Variants in CSMD1 observed in about 807,000 individuals in gnomAD.
CSMD1 encodes the protein CUB and sushi domain-containing protein 1.
In CSMD1, 213 loss-of-function variants were observed where a neutral mutation model predicts 417.5. That is an observed-to-expected ratio of 0.51 (90% CI 0.46 to 0.57). The LOEUF (loss-of-function observed/expected upper bound fraction) is 0.57, where lower values mean the gene tolerates loss of function less well. Ranked by LOEUF, CSMD1 falls within the 20% of genes least tolerant of loss-of-function variation. The probability of loss-of-function intolerance (pLI) is 0.00; values close to 1 mark genes in which losing one functional copy is unlikely to be tolerated. For missense variants in CSMD1, 6,923 were observed against 4,529.7 expected (o/e 1.53, Z -15.17); for synonymous variants, 2,862 against 1,736.8 (o/e 1.65, Z -16.11).
At chr8:4,293,156 C>G (rs548970382) in intron 3 of CSMD1, among the ~76,000 whole-genome samples, 2 of 152,204 alleles carry the variant, frequency 1.3e-5, no homozygotes, top group Admixed American at 6.5e-5. Context: ...TGCCCTTTGT[C>G]CAGTATACTC....
intron 62 of CSMD1, among the ~76,000 whole-genome samples, chr8:2,960,005 G>C (rs1296261093): frequency 6.6e-6 from 1 of 152,084 alleles, no homozygotes; most frequent in Non-Finnish European, 1.5e-5. Context: ...TCATATGATA[G>C]GTTATAGAAC....
intron 3 of CSMD1, among the ~76,000 whole-genome samples, chr8:4,165,560 C>T (rs530117405): frequency 4.6e-4 from 70 of 152,236 alleles, no homozygotes; most frequent in Middle Eastern, 3.4e-3. Flanking sequence ...CACCACCATG[C>T]CCAGCTAATT....
intron 27 of CSMD1, among the ~76,000 whole-genome samples, chr8:3,227,096 C>G (rs1323513628): frequency 6.6e-6 from 1 of 151,980 alleles, no homozygotes; most frequent in Non-Finnish European, 1.5e-5. Context: ...GGTGTGACTG[C>G]TCTGAAAGAG....
intron 20 of CSMD1, among the ~76,000 whole-genome samples, chr8:3,361,761 T>C (rs1335569341): frequency 6.6e-6 from 1 of 152,006 alleles, no homozygotes; most frequent in Non-Finnish European, 1.5e-5. Context: ...CACCATGATC[T>C]TATGGTTCTT....
At chr8:3,027,189 GA>G (rs869291256) in intron 51 of CSMD1, among the ~76,000 whole-genome samples, 16 of 151,630 alleles carry the variant, frequency 1.1e-4, no homozygotes, top group South Asian at 4.2e-4. Flanking sequence ...CTTTTGGGGG[GA>G]AAAAAAAGAC....
chr8:3,138,220 C>A (rs1818222014), intron 41 of CSMD1, among the ~76,000 whole-genome samples: 1 of 152,082 alleles, frequency 6.6e-6, no homozygotes, highest in Admixed American at 6.5e-5. Context: ...AGTGGGATTC[C>A]CTCTCGAAAA....
chr8:4,212,490 G>A (rs1051145555), intron 3 of CSMD1, among the ~76,000 whole-genome samples: 3 of 151,950 alleles, frequency 2.0e-5, no homozygotes, highest in East Asian at 1.9e-4. Flanking sequence ...GCAGATGGAA[G>A]CGATCCTAAA....
intron 23 of CSMD1, among the ~76,000 whole-genome samples, chr8:3,317,173 A>G (rs1218165824): frequency 2.0e-5 from 3 of 152,216 alleles, no homozygotes; most frequent in Non-Finnish European, 2.9e-5. Context: ...TTGTTGTCAC[A>G]TAATGATTCT....
chr8:3,303,645 C>A (rs780471779), intron 25 of CSMD1, among the ~76,000 whole-genome samples: 7 of 152,186 alleles, frequency 4.6e-5, no homozygotes, highest in African/African-American at 1.7e-4. Context: ...AGCTTAGGAA[C>A]AGTGTACACA....
intron 5 of CSMD1, among the ~76,000 whole-genome samples, chr8:3,780,705 G>T (rs189990851): frequency 6.6e-6 from 1 of 152,282 alleles, no homozygotes; most frequent in South Asian, 2.1e-4. Context: ...AGCCCAGCCT[G>T]GTGAGAAATG....
chr8:3,444,740 T>C (rs756191482), intron 12 of CSMD1, among the ~76,000 whole-genome samples: 1 of 152,308 alleles, frequency 6.6e-6, no homozygotes, highest in African/African-American at 2.4e-5. Flanking sequence ...TGTAATGTAA[T>C]AAACTGAAAA....
At chr8:4,253,508 C>A (rs1191213060) in intron 3 of CSMD1, among the ~76,000 whole-genome samples, 2 of 151,852 alleles carry the variant, frequency 1.3e-5, no homozygotes, top group Admixed American at 1.3e-4. Flanking sequence ...TAGGTTAAGC[C>A]CCTGGGATAG....
intron 5 of CSMD1, among the ~76,000 whole-genome samples, chr8:3,916,252 T>C (rs1258120462): frequency 6.6e-6 from 1 of 152,096 alleles, no homozygotes; most frequent in Non-Finnish European, 1.5e-5. Flanking sequence ...CGAAAATATA[T>C]ACAACAGGAG....
At chr8:3,367,804 A>G (rs926724491) in intron 19 of CSMD1, among the ~76,000 whole-genome samples, 2 of 152,224 alleles carry the variant, frequency 1.3e-5, no homozygotes, top group Admixed American at 6.5e-5. Flanking sequence ...ATAGATATGT[A>G]TATTTAAGAA....
intron 37 of CSMD1, among the ~76,000 whole-genome samples, chr8:3,178,142 T>C (rs536272674): frequency 1.3e-5 from 2 of 152,324 alleles, no homozygotes; most frequent in African/African-American, 4.8e-5. Flanking sequence ...ATCATATACA[T>C]TAAACCAGAC....
intron 10 of CSMD1, among the ~76,000 whole-genome samples, chr8:3,556,772 C>T (rs992493135): frequency 1.3e-5 from 2 of 152,228 alleles, no homozygotes; most frequent in South Asian, 4.1e-4. Context: ...GCTGCTCAGC[C>T]TCTGATCATA....
intron 42 of CSMD1, chr8:3,113,301 A>C (rs1331758785): frequency 6.6e-6 from 1 of 151,708 alleles, no homozygotes; most frequent in East Asian, 1.9e-4. Context: ...GAGAGGCTAC[A>C]CTCCCTCCAC....
At chr8:3,485,412 A>G (rs556223691) in intron 11 of CSMD1, among the ~76,000 whole-genome samples, 1 of 152,220 alleles carries the variant, frequency 6.6e-6, no homozygotes, top group Admixed American at 6.6e-5. Context: ...GGAGTTGGCT[A>G]TGATTATTAA....
intron 41 of CSMD1, among the ~76,000 whole-genome samples, chr8:3,138,413 T>A (rs896680085): frequency 2.6e-5 from 4 of 152,170 alleles, no homozygotes; most frequent in Non-Finnish European, 5.9e-5. Flanking sequence ...CACTCCAATT[T>A]CATCACTGAA....
Sources: gnomAD v4.1 joint callset for allele counts (sites outside exome capture counted in the v4.1 genomes callset) on GRCh38, gnomAD v4.1.1 for gene constraint, MANE v1.5 for transcripts, NCBI Gene and HGNC (gene_info 2026-07-23, HGNC 2026-07-21) for gene names.